The following NBEA variants were observed in gnomAD, a reference collection of about 807,000 sequenced individuals.
The protein encoded by NBEA is lysosomal-trafficking regulator 2.
A neutral mutation model predicts 343.4 loss-of-function variants in NBEA; 44 were observed. That is an observed-to-expected ratio of 0.13 (90% CI 0.10 to 0.16). NBEA has a LOEUF of 0.16. Ranked by LOEUF, NBEA falls within the 10% of genes least tolerant of loss-of-function variation. NBEA has a pLI of 1.00. For synonymous variants in NBEA, 1,175 were observed against 1,238.7 expected (o/e 0.95, Z 1.08); for missense variants, 2,555 against 3,631.3 (o/e 0.70, Z 7.62).
At chr13:35,568,095 CAT>C (rs2080221183) in intron 45 of NBEA, among the ~76,000 whole-genome samples, 1 of 152,112 alleles carries the variant, frequency 6.6e-6, no homozygotes, top group African/African-American at 2.4e-5. Flanking sequence ...AAAATTATAA[CAT>C]AGTACTTGGC....
At chr13:35,353,538 T>A (rs9600568) in intron 38 of NBEA, among the ~76,000 whole-genome samples, 14,252 of 152,096 alleles carry the variant, frequency 0.094, 870 homozygotes, top group East Asian at 0.22. Context: ...TTTAAAACTT[T>A]ATTAATTTTG....
At chr13:35,577,007 G>A (rs1177566413) in intron 45 of NBEA, among the ~76,000 whole-genome samples, 1 of 152,084 alleles carries the variant, frequency 6.6e-6, no homozygotes, top group Non-Finnish European at 1.5e-5. Flanking sequence ...CCAGGGATGG[G>A]TCAGTTCAGG....
At chr13:34,987,056 G>A (rs780716590) in intron 1 of NBEA, among the ~76,000 whole-genome samples, 3 of 150,924 alleles carry the variant, frequency 2.0e-5, no homozygotes, top group Non-Finnish European at 4.4e-5. Context: ...TCATTATGCT[G>A]TTAGCCGGTT....
At chr13:35,038,595 A>T (rs528320474) in intron 1 of NBEA, among the ~76,000 whole-genome samples, 1 of 152,176 alleles carries the variant, frequency 6.6e-6, no homozygotes, top group Admixed American at 6.5e-5. Context: ...TGCTGCCTAG[A>T]CTGGGTCCTT....
At chr13:35,580,107 T>A (rs1259324477) in intron 45 of NBEA, among the ~76,000 whole-genome samples, 1 of 152,094 alleles carries the variant, frequency 6.6e-6, no homozygotes, top group South Asian at 2.1e-4. Context: ...TAATAAAGTT[T>A]TATAGGGATA....
chr13:35,520,697 T>G (rs2077670449), intron 41 of NBEA, among the ~76,000 whole-genome samples: 1 of 152,176 alleles, frequency 6.6e-6, no homozygotes, highest in South Asian at 2.1e-4. Context: ...TATTATAGAT[T>G]ACTTTCACCC....
intron 40 of NBEA, among the ~76,000 whole-genome samples, chr13:35,455,550 G>T (rs1021941943): frequency 5.3e-5 from 8 of 152,008 alleles, no homozygotes; most frequent in Admixed American, 2.0e-4. Flanking sequence ...TCTGCCTGTT[G>T]AGAACTGTTT....
intron 38 of NBEA, among the ~76,000 whole-genome samples, chr13:35,362,022 A>ATT: frequency 6.6e-6 from 1 of 152,120 alleles, no homozygotes; most frequent in Admixed American, 6.6e-5. Context: ...GTAAGTCAGA[A>ATT]TGTGAATTTT....
intron 10 of NBEA, among the ~76,000 whole-genome samples, chr13:35,093,315 CAAAAA>C (rs34323263): frequency 1.4e-5 from 2 of 141,272 alleles, no homozygotes; most frequent in Non-Finnish European, 3.1e-5. Flanking sequence ...ACTGGTACAC[CAAAAA>C]AAAAAAAAAG....
intron 38 of NBEA, among the ~76,000 whole-genome samples, chr13:35,356,217 G>A (rs2040482658): frequency 1.3e-5 from 2 of 152,136 alleles, no homozygotes; most frequent in South Asian, 2.1e-4. Flanking sequence ...ATGCCAAAAA[G>A]TACTTATCCC....
At chr13:35,442,455 G>A (rs1486762144) in intron 39 of NBEA, among the ~76,000 whole-genome samples, 5 of 152,044 alleles carry the variant, frequency 3.3e-5, no homozygotes, top group Non-Finnish European at 5.9e-5. Context: ...AAAATGTGGA[G>A]AGAGTCTGCG....
intron 1 of NBEA, among the ~76,000 whole-genome samples, chr13:35,035,145 T>G (rs77144267): frequency 0.028 from 4,262 of 151,858 alleles, 90 homozygotes; most frequent in South Asian, 0.074. Context: ...TCTTTTTTGA[T>G]ATTGGCACTT....
At chr13:35,367,877 C>A (rs2041214097) in intron 38 of NBEA, among the ~76,000 whole-genome samples, 1 of 151,532 alleles carries the variant, frequency 6.6e-6, no homozygotes, top group Non-Finnish European at 1.5e-5. Flanking sequence ...CTTTAATACA[C>A]ATTACTAAGC....
At chr13:35,290,007 A>G (rs2035701348) in intron 34 of NBEA, among the ~76,000 whole-genome samples, 2 of 151,826 alleles carry the variant, frequency 1.3e-5, no homozygotes, top group Non-Finnish European at 3.0e-5. Context: ...GGAAACAACC[A>G]TATAATAAAT....
At chr13:35,514,468 C>G (rs1277534639) in intron 41 of NBEA, among the ~76,000 whole-genome samples, 1 of 152,082 alleles carries the variant, frequency 6.6e-6, no homozygotes, top group Non-Finnish European at 1.5e-5. Context: ...TTGCCTGGGT[C>G]CCTCTGGAAT....
chr13:35,627,720 C>T (rs904297493), intron 48 of NBEA, among the ~76,000 whole-genome samples: 1 of 152,004 alleles, frequency 6.6e-6, no homozygotes, highest in Non-Finnish European at 1.5e-5. Flanking sequence ...GAAACTGTAA[C>T]ATGGTATTAA....
intron 38 of NBEA, among the ~76,000 whole-genome samples, chr13:35,387,359 T>A (rs1179480300): frequency 6.6e-6 from 1 of 152,124 alleles, no homozygotes; most frequent in African/African-American, 2.4e-5. Flanking sequence ...GGACATTGAT[T>A]TTTTTTCCTT....
At chr13:34,993,857 A>G (rs2060845213) in intron 1 of NBEA, among the ~76,000 whole-genome samples, 1 of 152,066 alleles carries the variant, frequency 6.6e-6, no homozygotes, top group Non-Finnish European at 1.5e-5. Flanking sequence ...GGTTCTTTTG[A>G]AAAGATATGT....
intron 41 of NBEA, among the ~76,000 whole-genome samples, chr13:35,517,909 A>G (rs1220511281): frequency 6.6e-6 from 1 of 152,244 alleles, no homozygotes; most frequent in African/African-American, 2.4e-5. Context: ...AAATAAAATT[A>G]TCTGACAGTC....
Sources: allele counts gnomAD v4.1 joint callset (sites outside exome capture counted in the v4.1 genomes callset), GRCh38; gene constraint gnomAD v4.1.1; transcripts MANE v1.5; gene names NCBI Gene and HGNC (gene_info 2026-07-23, HGNC 2026-07-21).